MEI4: variants seen among roughly 807,000 people sequenced by gnomAD.
MEI4 encodes the protein meiotic double-stranded break formation protein 4, also known as meiosis-specific protein MEI4.
In MEI4, 27 loss-of-function variants were observed where a neutral mutation model predicts 31.4. The observed-to-expected ratio is 0.86, with a 90% CI of 0.63 to 1.19. The LOEUF is 1.19. MEI4 is among the 50% of genes most tolerant of loss of function. The probability of loss-of-function intolerance (pLI) is 0.00; values close to 1 mark genes in which losing one functional copy is unlikely to be tolerated. For synonymous variants in MEI4, 122 were observed against 145.4 expected, an observed-to-expected ratio of 0.84 and a Z score of 1.16; for missense variants, 329 against 398.9, an observed-to-expected ratio of 0.82 and a Z score of 1.49.
intron 4 of MEI4, among the ~76,000 whole-genome samples, chr6:77,863,951 G>A (rs376033992): frequency 2.0e-5 from 3 of 151,928 alleles, no homozygotes; most frequent in Non-Finnish European, 4.4e-5. Flanking sequence ...AAAGAATTTT[G>A]AACCCAGAAT....
chr6:77,808,436 T>C (rs959138271), intron 3 of MEI4, among the ~76,000 whole-genome samples: 1 of 152,128 alleles, frequency 6.6e-6, no homozygotes, highest in Non-Finnish European at 1.5e-5. Context: ...AACAGAGGTA[T>C]AGACTAGAAA....
At chr6:77,754,815 C>T (rs1020058337) in intron 2 of MEI4, among the ~76,000 whole-genome samples, 53 of 151,918 alleles carry the variant, frequency 3.5e-4, no homozygotes, top group African/African-American at 9.9e-4. Context: ...GAAAGAGCCC[C>T]TTATAAAACC....
intron 1 of MEI4, among the ~76,000 whole-genome samples, chr6:77,660,647 A>T (rs1018074575): frequency 5.9e-5 from 9 of 152,060 alleles, no homozygotes; most frequent in African/African-American, 1.9e-4. Flanking sequence ...GAATGAAGGG[A>T]TGTATTAGGC....
At chr6:77,886,440 T>TTTG (rs1371502849) in intron 4 of MEI4, among the ~76,000 whole-genome samples, 1 of 52,142 alleles carries the variant, frequency 1.9e-5, no homozygotes, top group East Asian at 6.0e-4. Context: ...GTTTTGTTTT[T>TTTG]TTTTTTATGA....
intron 2 of MEI4, among the ~76,000 whole-genome samples, chr6:77,736,778 C>A (rs1331438408): frequency 6.6e-6 from 1 of 151,972 alleles, no homozygotes; most frequent in South Asian, 2.1e-4. Context: ...ATTAATTGTA[C>A]CCAATGAGAC....
intron 2 of MEI4, 25 bp from the exon 3 acceptor site, chr6:77,761,105 A>T: frequency 8.1e-7 from 1 of 1,230,018 alleles, no homozygotes; most frequent in Non-Finnish European, 1.0e-6. Context: ...CATGAAGATA[A>T]TCCTTCTATT....
chr6:77,908,284 C>A (rs1477098567), intron 4 of MEI4, among the ~76,000 whole-genome samples: 1 of 152,070 alleles, frequency 6.6e-6, no homozygotes, highest in Non-Finnish European at 1.5e-5. Flanking sequence ...GGTTTTAGGT[C>A]TAACATTTAA....
At chr6:77,776,512 C>T (rs755561246) in intron 3 of MEI4, among the ~76,000 whole-genome samples, 19 of 152,114 alleles carry the variant, frequency 1.2e-4, no homozygotes, top group Admixed American at 8.5e-4. Flanking sequence ...TCTCCTCATT[C>T]TCTGGAAGAT....
At chr6:77,894,512 A>G (rs1484904933) in intron 4 of MEI4, among the ~76,000 whole-genome samples, 2 of 152,220 alleles carry the variant, frequency 1.3e-5, no homozygotes, top group Non-Finnish European at 2.9e-5. Flanking sequence ...GTTCTGATAA[A>G]CTGATTGTAT....
intron 4 of MEI4, among the ~76,000 whole-genome samples, chr6:77,874,092 T>C (rs960438524): frequency 6.6e-6 from 1 of 152,210 alleles, no homozygotes; most frequent in Non-Finnish European, 1.5e-5. Context: ...ATGTGGGCTC[T>C]TTTTTGGTTC....
chr6:77,905,290 C>T (rs1227724740), intron 4 of MEI4, among the ~76,000 whole-genome samples: 1 of 151,802 alleles, frequency 6.6e-6, no homozygotes, highest in Non-Finnish European at 1.5e-5. Flanking sequence ...CTAAAAACTC[C>T]TTTTTCAGTA....
intron 2 of MEI4, among the ~76,000 whole-genome samples, chr6:77,698,708 C>T (rs936643394): frequency 6.6e-6 from 1 of 152,226 alleles, no homozygotes. Context: ...ACATTTTTTC[C>T]TTCATTTCAA....
intron 1 of MEI4, among the ~76,000 whole-genome samples, chr6:77,665,551 C>A (rs1039279364): frequency 6.6e-6 from 1 of 152,088 alleles, no homozygotes; most frequent in South Asian, 2.1e-4. Context: ...CCCAGAAGAG[C>A]GGGATTTGCT....
At chr6:77,855,599 A>G (rs1770727141) in intron 4 of MEI4, among the ~76,000 whole-genome samples, 1 of 152,196 alleles carries the variant, frequency 6.6e-6, no homozygotes, top group Admixed American at 6.5e-5. Flanking sequence ...ATTGGGAATA[A>G]CTGTACTACT....
chr6:77,840,081 G>A (rs940873002), intron 4 of MEI4, among the ~76,000 whole-genome samples: 1 of 152,104 alleles, frequency 6.6e-6, no homozygotes, highest in African/African-American at 2.4e-5. Context: ...AGATAATTAG[G>A]AAATATATGT....
intron 1 of MEI4, 96 bp from the exon 2 acceptor site, chr6:77,690,562 T>C (rs1769139419): frequency 2.0e-6 from 1 of 511,332 alleles, no homozygotes. Context: ...ATAAACTTAT[T>C]AATTAATGTT....
At chr6:77,841,682 G>C (rs1225900437) in intron 4 of MEI4, among the ~76,000 whole-genome samples, 1 of 151,648 alleles carries the variant, frequency 6.6e-6, no homozygotes, top group Non-Finnish European at 1.5e-5. Context: ...AAATAATAAA[G>C]ACCTTTAACA....
chr6:77,675,265 G>A (rs191906892), intron 1 of MEI4, among the ~76,000 whole-genome samples: 1 of 152,032 alleles, frequency 6.6e-6, no homozygotes, highest in East Asian at 1.9e-4. Context: ...TTAGATACTA[G>A]GAATAGTCAC....
chr6:77,750,760 A>G (rs1767748874), intron 2 of MEI4, among the ~76,000 whole-genome samples: 1 of 152,198 alleles, frequency 6.6e-6, no homozygotes, highest in Non-Finnish European at 1.5e-5. Flanking sequence ...TTAGCTCTGG[A>G]CCAAGCAGAC....
Sources: allele counts gnomAD v4.1 joint callset (sites outside exome capture counted in the v4.1 genomes callset), GRCh38; gene constraint gnomAD v4.1.1; transcripts MANE v1.5; gene names NCBI Gene and HGNC (gene_info 2026-07-23, HGNC 2026-07-21).